Variants in ADARB2 observed in about 807,000 individuals in gnomAD.
ADARB2 encodes the protein adenosine deaminase RNA specific B2 (inactive).
A neutral mutation model predicts 62.2 loss-of-function variants in ADARB2; 25 were observed. That is an observed-to-expected ratio of 0.40 (90% CI 0.29 to 0.56). The LOEUF is 0.56. ADARB2 is among the 20% of genes least tolerant of loss of function. The pLI is 0.43. For synonymous variants in ADARB2, 572 were observed against 500.8 expected, an observed-to-expected ratio of 1.14 and a Z score of -1.90; for missense variants, 1,071 against 1,077.4, an observed-to-expected ratio of 0.99 and a Z score of 0.08.
At chr10:1,635,577 G>T (rs564902547) in intron 1 of ADARB2, among the ~76,000 whole-genome samples, 6 of 152,242 alleles carry the variant, frequency 3.9e-5, no homozygotes, top group African/African-American at 1.4e-4. Flanking sequence ...TGATTGCCCC[G>T]CCCACTCTGA....
chr10:1,561,706 C>T (rs1295962148), intron 1 of ADARB2, among the ~76,000 whole-genome samples: 1 of 152,142 alleles, frequency 6.6e-6, no homozygotes, highest in Non-Finnish European at 1.5e-5. Flanking sequence ...GAATCTCATG[C>T]ACCGTACCCT....
intron 1 of ADARB2, among the ~76,000 whole-genome samples, chr10:1,667,067 CTT>C (rs1030221899): frequency 6.6e-6 from 1 of 152,148 alleles, no homozygotes; most frequent in African/African-American, 2.4e-5. Flanking sequence ...AAGGAAATGT[CTT>C]TGCACTTACA....
chr10:1,525,361 G>A (rs1564317050), intron 1 of ADARB2, among the ~76,000 whole-genome samples: 1 of 152,210 alleles, frequency 6.6e-6, no homozygotes, highest in Non-Finnish European at 1.5e-5. Context: ...TCATCTGCGG[G>A]AGTGGATCTG....
intron 1 of ADARB2, among the ~76,000 whole-genome samples, chr10:1,643,340 G>A (rs1834000500): frequency 1.3e-5 from 2 of 152,196 alleles, no homozygotes; most frequent in Non-Finnish European, 1.5e-5. Context: ...CCTGCAGATG[G>A]AAGGTGAATG....
chr10:1,618,658 T>C (rs1875002), intron 1 of ADARB2, among the ~76,000 whole-genome samples: 109,244 of 151,884 alleles, frequency 0.72, 39,498 homozygotes, highest in African/African-American at 0.81. Context: ...GATGCTCCCC[T>C]CTCAGGCTCC....
chr10:1,211,583 TTA>T (rs1837152740), intron 7 of ADARB2, among the ~76,000 whole-genome samples: 1 of 152,202 alleles, frequency 6.6e-6, no homozygotes, highest in Non-Finnish European at 1.5e-5. Flanking sequence ...CTCAAATATG[TTA>T]TTTCTGGACG....
chr10:1,637,918 G>C (rs1202951482), intron 1 of ADARB2, among the ~76,000 whole-genome samples: 1 of 152,208 alleles, frequency 6.6e-6, no homozygotes. Context: ...AAAGTTCTTT[G>C]TCTGGCATTG....
At chr10:1,498,724 A>T (rs573669928) in intron 1 of ADARB2, among the ~76,000 whole-genome samples, 1 of 152,260 alleles carries the variant, frequency 6.6e-6, no homozygotes, top group Non-Finnish European at 1.5e-5. Flanking sequence ...AGTTACAGAC[A>T]TATACTTTTG....
intron 8 of ADARB2, among the ~76,000 whole-genome samples, chr10:1,193,180 C>T (rs1836866136): frequency 6.6e-6 from 1 of 152,166 alleles, no homozygotes; most frequent in African/African-American, 2.4e-5. Context: ...GATGCCAAGG[C>T]CTGGGCGGTG....
At chr10:1,332,709 A>C (rs549857124) in intron 3 of ADARB2, among the ~76,000 whole-genome samples, 13 of 152,258 alleles carry the variant, frequency 8.5e-5, no homozygotes, top group African/African-American at 2.9e-4. Context: ...TGTAATTCTG[A>C]TCTGTGATGG....
chr10:1,297,079 C>T (rs909488968), intron 3 of ADARB2, among the ~76,000 whole-genome samples: 9 of 152,202 alleles, frequency 5.9e-5, no homozygotes, highest in Admixed American at 3.9e-4. Flanking sequence ...TAGTATCCTC[C>T]AAATTTAGGT....
rs942359891 is a variant in ADARB2, at chr10:1,276,653, A to T, written c.1078-5584T>A. On this transcript the variant is annotated intron_variant, in intron 3 of 9. Coordinates refer to ENST00000381312, the MANE Select transcript of ADARB2 (RefSeq NM_018702.4). ...AAGACTTAGACTCCCAAACAATAAT[A>T]ACGGGAGACTTTAACACCCCACTGT... Among the ~76,000 whole-genome samples, 114 of 152,312 alleles carry T rather than the reference A, an allele frequency of 7.5e-4. No homozygotes were observed. In the Middle Eastern group the frequency reaches 0.01, roughly 14 times the overall value.
chr10:1,564,045 G>T (rs1235714187), intron 1 of ADARB2, among the ~76,000 whole-genome samples: 1 of 151,300 alleles, frequency 6.6e-6, no homozygotes, highest in African/African-American at 2.4e-5. Context: ...GGACATTTGG[G>T]TTGGTTCCAA....
chr10:1,586,580 T>G (rs1004843177), intron 1 of ADARB2, among the ~76,000 whole-genome samples: 3 of 152,360 alleles, frequency 2.0e-5, no homozygotes, highest in Admixed American at 6.5e-5. Flanking sequence ...CGAGGGGATC[T>G]GCTCACCTTA....
chr10:1,465,349 T>C (rs1831240734), intron 1 of ADARB2, among the ~76,000 whole-genome samples: 1 of 152,186 alleles, frequency 6.6e-6, no homozygotes, highest in African/African-American at 2.4e-5. Context: ...AGGACTGAAT[T>C]TTCCTGTGTG....
At chr10:1,649,953 G>A (rs985164243) in intron 1 of ADARB2, among the ~76,000 whole-genome samples, 2 of 152,216 alleles carry the variant, frequency 1.3e-5, no homozygotes, top group Admixed American at 6.5e-5. Flanking sequence ...ACACAAACCC[G>A]GGAGGACCTG....
At chr10:1,267,154 C>T (rs61832016) in intron 4 of ADARB2, among the ~76,000 whole-genome samples, 109 of 149,770 alleles carry the variant, frequency 7.3e-4, no homozygotes, top group Non-Finnish European at 1.1e-3. Context: ...AAAAAAAAAC[C>T]TTTCCCCCTC....
At chr10:1,559,318 C>T (rs906637794) in intron 1 of ADARB2, among the ~76,000 whole-genome samples, 6 of 152,328 alleles carry the variant, frequency 3.9e-5, no homozygotes, top group South Asian at 2.1e-4. Context: ...GCTCTTGGAG[C>T]TGTCCCCGAC....
At chr10:1,271,179 G>C in intron 3 of ADARB2, 110 bp from the exon 4 acceptor site, 1 of 815,436 alleles carries the variant, frequency 1.2e-6, no homozygotes, top group Non-Finnish European at 2.0e-6. Flanking sequence ...GGCCACACAT[G>C]GGCCTGCTCT....
Sources: allele counts gnomAD v4.1 joint callset (sites outside exome capture counted in the v4.1 genomes callset), GRCh38; gene constraint gnomAD v4.1.1; transcripts MANE v1.5; gene names NCBI Gene and HGNC (gene_info 2026-07-23, HGNC 2026-07-21).